Variants in PTGER3 observed in about 807,000 individuals in gnomAD.
PTGER3 encodes the protein prostaglandin E2 receptor EP3 subtype.
Under a neutral mutation model 34.7 loss-of-function variants are expected in PTGER3, and 22 were observed. That is an observed-to-expected ratio of 0.63 (90% CI 0.45 to 0.91). PTGER3 has a LOEUF of 0.91. Ranked by LOEUF, PTGER3 falls within the 40% of genes least tolerant of loss-of-function variation. The pLI, the probability that PTGER3 is intolerant of heterozygous loss-of-function variation, is 0.00. For missense variants in PTGER3, 468 were observed against 519.4 expected (o/e 0.90, Z 0.96); for synonymous variants, 241 against 230.1 (o/e 1.05, Z -0.43).
At chr1:71,013,576 C>T (rs1302981451) in intron 1 of PTGER3, among the ~76,000 whole-genome samples, 1 of 151,872 alleles carries the variant, frequency 6.6e-6, no homozygotes, top group Non-Finnish European at 1.5e-5. Flanking sequence ...ATGGTGCATG[C>T]CTGTAATCCC....
In PTGER3 at chr1:70,988,786, A is replaced by G. The variant is rs191411509; in HGVS notation, c.1078-14398T>C. ...TCTGAAGCTGACCAAAACCTAACATAGTGATAAAGTCATCCCATCAGCCAG... is the reference window on the plus strand; with the variant it reads ...TCTGAAGCTGACCAAAACCTAACATGGTGATAAAGTCATCCCATCAGCCAG... On this transcript the variant is annotated intron_variant, in intron 2 of 3. Transcript: ENST00000306666. 2.0e-5 allele frequency among the ~76,000 whole-genome samples: 3 copies of G among 152,280 alleles called. No individual in the cohort carries two copies. The East Asian group carries it at 5.8e-4, about 29-fold the overall frequency.
At chr1:70,959,457 A>T (rs1387673002) in intron 2 of PTGER3, among the ~76,000 whole-genome samples, 1 of 151,314 alleles carries the variant, frequency 6.6e-6, no homozygotes, top group Non-Finnish European at 1.5e-5. Context: ...TGCTCAAATG[A>T]TTCTATGATT....
chr1:70,900,187 G>T (rs905197415), intron 4 of PTGER3, among the ~76,000 whole-genome samples: 5 of 152,120 alleles, frequency 3.3e-5, no homozygotes, highest in Non-Finnish European at 7.4e-5. Flanking sequence ...TTTACTAAAT[G>T]ATTTAACTTT....
At chr1:70,971,814 A>G in intron 3 of PTGER3, 81 bp from the exon 4 acceptor site, 1 of 874,882 alleles carries the variant, frequency 1.1e-6, no homozygotes, top group Non-Finnish European at 1.7e-6. Context: ...TGTGAGGAGT[A>G]AAATATAAGT....
intron 2 of PTGER3, among the ~76,000 whole-genome samples, chr1:70,964,306 T>C (rs1313909105): frequency 1.3e-5 from 2 of 152,170 alleles, no homozygotes; most frequent in Non-Finnish European, 2.9e-5. Context: ...GTTTCCACAT[T>C]CTCAGGTGCC....
chr1:70,933,120 A>G (rs1238586003), intron 4 of PTGER3, among the ~76,000 whole-genome samples: 2 of 152,178 alleles, frequency 1.3e-5, no homozygotes, highest in East Asian at 3.8e-4. Flanking sequence ...TCTTCTCTGT[A>G]TCTTACTTAT....
At chr1:71,026,064 T>C (rs1449793043) in intron 1 of PTGER3, among the ~76,000 whole-genome samples, 2 of 152,222 alleles carry the variant, frequency 1.3e-5, no homozygotes, top group African/African-American at 4.8e-5. Flanking sequence ...AACAGTTTAA[T>C]TTAGCACTTG....
At chr1:70,861,604 A>C (rs1645928589) in intron 4 of PTGER3, among the ~76,000 whole-genome samples, 1 of 152,068 alleles carries the variant, frequency 6.6e-6, no homozygotes, top group African/African-American at 2.4e-5. Context: ...AATCAAACAT[A>C]AATAAAACTT....
intron 2 of PTGER3, chr1:71,007,142 G>A (rs1572913846): frequency 6.1e-6 from 6 of 985,576 alleles, no homozygotes; most frequent in East Asian, 1.1e-4. Context: ...CTGAGGAGGA[G>A]AGGTGAAGAA....
At chr1:71,011,534 A>T (rs1278963197) in intron 2 of PTGER3, 1 of 985,070 alleles carries the variant, frequency 1.0e-6, no homozygotes, top group Non-Finnish European at 1.2e-6. Context: ...AAATATATTC[A>T]AAAGAAAGAA....
chr1:71,047,646 G>A lies in PTGER3; in HGVS notation c.-69C>T. 6.9e-6 allele frequency: 10 copies of A among 1,446,028 alleles called. No homozygotes were observed. Among genetic ancestry groups the A allele is most frequent in the Non-Finnish European group, 9.1e-6 (10 of 1,094,680 alleles). The allele number at this position is 1,446,028 out of a possible 1,614,324, so 89.6% of individuals were successfully genotyped here. On this transcript the variant is annotated 5_prime_UTR_variant, in exon 1 of 4. Coordinates refer to ENST00000306666, the MANE Select transcript of PTGER3 (RefSeq NM_198719.2). Reference sequence around the variant, plus strand: ...GCGGGAGGGGGCAGACGCGGCGCGGGCGGCGGCGGAGGTCGGCGTTTACCG... The same window carrying A: ...GCGGGAGGGGGCAGACGCGGCGCGGACGGCGGCGGAGGTCGGCGTTTACCG...
At chr1:70,974,259 A>C in intron 3 of PTGER3, 38 bp downstream of exon 3, 1 of 1,609,894 alleles carries the variant, frequency 6.2e-7, no homozygotes, top group South Asian at 1.1e-5. Flanking sequence ...AGACGGGGGA[A>C]GGCTATGCTA....
chr1:70,970,516 C>T (rs1041138687), downstream of PTGER3, among the ~76,000 whole-genome samples: 4 of 152,078 alleles, frequency 2.6e-5, no homozygotes, highest in East Asian at 1.9e-4. Flanking sequence ...TTGGCAGAAA[C>T]GATATGTAGT....
Position 71,017,003 on chromosome 1 carries a change from C to T in PTGER3, c.898-4519G>A, listed in dbSNP as rs79786695. 3.3e-4 allele frequency among the ~76,000 whole-genome samples: 50 copies of T among 152,054 alleles called. 1 individual carries two copies. In the East Asian group the frequency reaches 9.5e-3, roughly 29 times the overall value. ...ATCATCCTATGAGCTGAATGCTACC[C>T]CCCATCATAGAAGGCAGAATAATGC... On this transcript the variant is annotated intron_variant, in intron 1 of 3. Coordinates refer to ENST00000306666, the MANE Select transcript of PTGER3 (RefSeq NM_198719.2).
intron 2 of PTGER3, among the ~76,000 whole-genome samples, chr1:70,980,810 A>G (rs980641874): frequency 6.6e-6 from 1 of 152,118 alleles, no homozygotes; most frequent in African/African-American, 2.4e-5. Context: ...TCCCTGGCCC[A>G]CAACTTCTGA....
intron 4 of PTGER3, among the ~76,000 whole-genome samples, chr1:70,933,595 T>C (rs1648932582): frequency 6.6e-6 from 1 of 152,114 alleles, no homozygotes; most frequent in Non-Finnish European, 1.5e-5. Flanking sequence ...GCATAGGAGG[T>C]ACCAAATAAA....
intron 4 of PTGER3, among the ~76,000 whole-genome samples, chr1:70,856,199 C>T (rs1645799054): frequency 6.6e-6 from 1 of 151,954 alleles, no homozygotes; most frequent in South Asian, 2.1e-4. Context: ...GAACTGTTAA[C>T]AAAGTTGTCA....
At chr1:70,986,152 A>T (rs1654889142) in intron 2 of PTGER3, among the ~76,000 whole-genome samples, 1 of 152,120 alleles carries the variant, frequency 6.6e-6, no homozygotes, top group African/African-American at 2.4e-5. Context: ...AACAACAGGA[A>T]GTTACCCTAT....
chr1:71,021,399 C>G, intron 1 of PTGER3, among the ~76,000 whole-genome samples: 1 of 152,070 alleles, frequency 6.6e-6, no homozygotes, highest in Admixed American at 6.6e-5. Flanking sequence ...ATGTCAATAT[C>G]TAAGTAAGTA....
Sources: allele counts gnomAD v4.1 joint callset (sites outside exome capture counted in the v4.1 genomes callset), GRCh38; gene constraint gnomAD v4.1.1; transcripts MANE v1.5; gene names NCBI Gene and HGNC (gene_info 2026-07-23, HGNC 2026-07-21).